CUL4A: variants seen among roughly 807,000 people sequenced by gnomAD.
CUL4A encodes cullin 4A, also known as cullin-4A.
CUL4A carries 16 observed loss-of-function variants against 95.5 expected under a neutral mutation model. That is an observed-to-expected ratio of 0.17 (90% CI 0.11 to 0.25). The LOEUF is 0.25. Among genes scored for constraint, CUL4A ranks in the 10% least tolerant of loss-of-function variants. The pLI, the probability that CUL4A is intolerant of heterozygous loss-of-function variation, is 1.00. For synonymous variants in CUL4A, 380 were observed against 353.1 expected (o/e 1.08, Z -0.85); for missense variants, 610 against 937.0 (o/e 0.65, Z 4.56).
At chr13:113,250,268 A>G (rs1362345162) in intron 15 of CUL4A, among the ~76,000 whole-genome samples, 1 of 152,080 alleles carries the variant, frequency 6.6e-6, no homozygotes, top group Non-Finnish European at 1.5e-5. Flanking sequence ...CCTAGACGAC[A>G]TGGTAAAGCC....
intron 10 of CUL4A, among the ~76,000 whole-genome samples, chr13:113,239,856 T>G (rs2139218101): frequency 6.6e-6 from 1 of 152,362 alleles, no homozygotes; most frequent in African/African-American, 2.4e-5. Context: ...AATCATGATT[T>G]TTCCTAAAGT....
intron 2 of CUL4A, among the ~76,000 whole-genome samples, chr13:113,214,084 T>C (rs1004147577): frequency 7.9e-5 from 12 of 152,264 alleles, no homozygotes; most frequent in African/African-American, 2.7e-4. Context: ...AAGAATCTTA[T>C]GTGAAAGGAC....
chr13:113,233,205 C>A lies in CUL4A; in HGVS notation c.541C>A (p.His181Asn). 5 of 1,614,048 alleles carry A rather than the reference C, an allele frequency of 3.1e-6. No individual in the cohort carries two copies. The highest frequency in any genetic ancestry group is 4.2e-6 in the Non-Finnish European group (5 of 1,179,962). The stretch of plus-strand genomic sequence containing the variant: ...TATGGGATTAGAACTGTTTAGAACC[C>A]ATATTATTAGTGATAAAATGGTTCA... ...WDMGLELFRTHIISDKMVQSK... is the reference protein window; with the variant it reads ...WDMGLELFRTNIISDKMVQSK... Residue 181 changes from histidine to asparagine, a missense_variant, in exon 6 of 20, where the codon CAT (histidine) becomes AAT (asparagine). His to Asn is a moderately conservative substitution (Grantham distance 68). Coordinates refer to ENST00000375440, the MANE Select transcript of CUL4A (RefSeq NM_001008895.4).
chr13:113,263,534 T>C lies in CUL4A; in HGVS notation c.2232T>C (p.Tyr744=). 1 of 1,610,200 alleles carries C rather than the reference T, an allele frequency of 6.2e-7. No homozygotes were observed. Among genetic ancestry groups the C allele is most frequent in the South Asian group, 1.1e-5 (1 of 90,340 alleles). The change falls in exon 20 of 20, where the codon TAT becomes TAC. Residue 744 remains tyrosine (Y), a synonymous_variant. Coordinates refer to ENST00000375440, the MANE Select transcript of CUL4A (RefSeq NM_001008895.4). ...KRIESLIDRD[Y]MERDKDNPNQ... ...TTGAATCTCTGATAGACAGAGACTATATGGAGAGAGACAAAGACAATCCGA... is the reference window on the plus strand; with the variant it reads ...TTGAATCTCTGATAGACAGAGACTACATGGAGAGAGACAAAGACAATCCGA...
chr13:113,250,441 G>A (rs1287484357), intron 15 of CUL4A, among the ~76,000 whole-genome samples: 1 of 152,158 alleles, frequency 6.6e-6, no homozygotes, highest in Non-Finnish European at 1.5e-5. Flanking sequence ...AACAGAGTGA[G>A]ATCCGAGACC....
At chr13:113,255,199 G>A (rs2042090351) in intron 18 of CUL4A, 74 bp downstream of exon 18, 2 of 1,081,794 alleles carry the variant, frequency 1.8e-6, no homozygotes, top group Non-Finnish European at 2.7e-6. Flanking sequence ...TAATGTTTTT[G>A]GCTGTTAGAG....
At chr13:113,222,437 A>G (rs937761973) in intron 3 of CUL4A, among the ~76,000 whole-genome samples, 1 of 152,160 alleles carries the variant, frequency 6.6e-6, no homozygotes, top group Non-Finnish European at 1.5e-5. Flanking sequence ...TGAACCAGAC[A>G]CGGATTGAGG....
At chr13:113,248,276 A>G (rs1281305145) in intron 15 of CUL4A, among the ~76,000 whole-genome samples, 1 of 152,050 alleles carries the variant, frequency 6.6e-6, no homozygotes, top group Non-Finnish European at 1.5e-5. Flanking sequence ...ATTTCTCTAT[A>G]TTTAGAAGTT....
At chr13:113,233,557 G>A (rs1037168692) in intron 6 of CUL4A, among the ~76,000 whole-genome samples, 6 of 152,058 alleles carry the variant, frequency 3.9e-5, no homozygotes, top group Admixed American at 1.3e-4. Flanking sequence ...TAAAATGCAC[G>A]GATAGATCAA....
At chr13:113,239,347 G>T in intron 9 of CUL4A, 86 bp from the exon 10 acceptor site, 2 of 1,154,016 alleles carry the variant, frequency 1.7e-6, no homozygotes, top group Non-Finnish European at 2.6e-6. Context: ...GTGTATTGAC[G>T]TTCTTCTGGT....
intron 6 of CUL4A, 64 bp downstream of exon 6, chr13:113,233,403 G>T: frequency 6.9e-7 from 1 of 1,439,726 alleles, no homozygotes; most frequent in Non-Finnish European, 9.6e-7. Context: ...AGAATAAATG[G>T]TTGTACCAAA....
chr13:113,208,956 C>G (rs2139038411), upstream of CUL4A: 4 of 1,217,834 alleles, frequency 3.3e-6, no homozygotes, highest in Middle Eastern at 6.6e-4. Context: ...TGCGCTGACC[C>G]TTCGTCTGCC....
At chr13:113,220,238 G>T (rs952714114) in intron 3 of CUL4A, among the ~76,000 whole-genome samples, 1 of 152,242 alleles carries the variant, frequency 6.6e-6, no homozygotes, top group African/African-American at 2.4e-5. Context: ...AATGCAGGGT[G>T]AGAGGTCTCT....
chr13:113,217,375 G>A (rs2040733407), intron 2 of CUL4A, among the ~76,000 whole-genome samples: 1 of 152,180 alleles, frequency 6.6e-6, no homozygotes, highest in African/African-American at 2.4e-5. Flanking sequence ...CAGAATGTGG[G>A]TAGGAATTCC....
chr13:113,228,710 C>T (rs537488493), intron 4 of CUL4A, among the ~76,000 whole-genome samples: 68 of 151,996 alleles, frequency 4.5e-4, no homozygotes, highest in African/African-American at 1.4e-3. Context: ...TCACTCTGCT[C>T]GCAACGCAGA....
intron 15 of CUL4A, among the ~76,000 whole-genome samples, chr13:113,247,750 C>G (rs895728222): frequency 6.6e-6 from 1 of 152,198 alleles, no homozygotes; most frequent in Non-Finnish European, 1.5e-5. Flanking sequence ...CTTCCTGTCT[C>G]CACAGATGTT....
chr13:113,229,847 G>A (rs574734217), intron 5 of CUL4A: 16 of 466,336 alleles, frequency 3.4e-5, no homozygotes, highest in Middle Eastern at 5.3e-4. Flanking sequence ...GTTGAAACTC[G>A]GAGAAAGACT....
intron 2 of CUL4A, among the ~76,000 whole-genome samples, chr13:113,211,346 C>G (rs1440720997): frequency 1.3e-5 from 2 of 152,156 alleles, no homozygotes; most frequent in African/African-American, 4.8e-5. Flanking sequence ...TATCCATTCA[C>G]CAGTTAATGG....
rs544106445 is a variant in CUL4A, at chr13:113,232,972, A to G, written c.513-205A>G. On this transcript the variant is annotated intron_variant, in intron 5 of 19. Coordinates refer to ENST00000375440, the MANE Select transcript of CUL4A (RefSeq NM_001008895.4). ...CCTAGCAGCGTCTCCAGGAACGTGG[A>G]GCAGCTCTGTTTAAGGAAGGAAATA... 8.5e-5 allele frequency among the ~76,000 whole-genome samples: 13 copies of G among 152,302 alleles called. No individual in the cohort carries two copies. The South Asian group carries it at 2.7e-3, about 32-fold the overall frequency.
Sources: gnomAD v4.1 joint callset for allele counts (sites outside exome capture counted in the v4.1 genomes callset) on GRCh38, gnomAD v4.1.1 for gene constraint, MANE v1.5 for transcripts, NCBI Gene and HGNC (gene_info 2026-07-23, HGNC 2026-07-21) for gene names.